Variants in TYW5 observed in about 807,000 individuals in gnomAD.
The protein encoded by TYW5 is tRNA-yW synthesizing protein 5, also known as tRNA wybutosine-synthesizing protein 5.
A neutral mutation model predicts 44.4 loss-of-function variants in TYW5; 36 were observed. The observed-to-expected ratio is 0.81, with a 90% CI of 0.62 to 1.07. The LOEUF is 1.07. Among genes scored for constraint, TYW5 ranks in the 50% least tolerant of loss-of-function variants. The pLI, the probability that TYW5 is intolerant of heterozygous loss-of-function variation, is 0.00. For synonymous variants in TYW5, 121 were observed against 128.1 expected (o/e 0.94, Z 0.37); for missense variants, 354 against 365.7 (o/e 0.97, Z 0.26).
At chr2:199,933,369 AAAAAAAAC>A (rs1241375162) in intron 7 of TYW5, 46 bp from the exon 8 acceptor site, 1 of 1,518,568 alleles carries the variant, frequency 6.6e-7, no homozygotes, top group East Asian at 2.3e-5. Context: ...CCTACAGTTA[AAAAAAAAC>A]CCAAAATGTC....
chr2:199,934,508 G>C (rs1335823469), intron 7 of TYW5, among the ~76,000 whole-genome samples: 1 of 148,196 alleles, frequency 6.7e-6, no homozygotes. Context: ...AGAATAAAAA[G>C]TCAACTTTTT....
chr2:199,950,130 T>C (rs1276923912), intron 1 of TYW5, among the ~76,000 whole-genome samples: 1 of 152,190 alleles, frequency 6.6e-6, no homozygotes, highest in Non-Finnish European at 1.5e-5. Flanking sequence ...CACAAATATA[T>C]ATACACGTAC....
At chr2:199,955,264 G>A in intron 1 of TYW5, 129 bp downstream of exon 1, 1 of 1,055,262 alleles carries the variant, frequency 9.5e-7, no homozygotes, top group South Asian at 1.5e-5. Flanking sequence ...GGGCCAACCA[G>A]TGATCTGCTG....
rs2077381773 is a variant in TYW5 at position 199,932,003 on chromosome 2, T to A, written c.*1064A>T. On this transcript the variant is annotated 3_prime_UTR_variant, in exon 8 of 8. Coordinates refer to ENST00000354611, the MANE Select transcript of TYW5 (RefSeq NM_001039693.3). ...ATAGTTGGGAAATCTTTAACTAGGCTAAGGTTTAGACATAGGTATAAATTA... is the reference window on the plus strand; with the variant it reads ...ATAGTTGGGAAATCTTTAACTAGGCAAAGGTTTAGACATAGGTATAAATTA... 7.4e-6 allele frequency: 1 copy of A among 135,474 alleles called. No homozygotes were observed. The highest frequency in any genetic ancestry group is 2.8e-5 in the African/African-American group (1 of 35,504). 8.4% of individuals were successfully genotyped at this position (135,474 alleles called of 1,614,324 possible). A position where few individuals can be genotyped will look rare whatever the true frequency, so the allele number is the denominator to read the frequency against.
intron 1 of TYW5, among the ~76,000 whole-genome samples, chr2:199,949,218 A>AT (rs1574808524): frequency 6.6e-6 from 1 of 151,886 alleles, no homozygotes; most frequent in East Asian, 1.9e-4. Context: ...AATAAGAAAA[A>AT]GAAAATTTGA....
chr2:199,948,350 C>A lies in TYW5; in HGVS notation c.201G>T (p.Gln67His). The stretch of plus-strand genomic sequence containing the variant: ...CAAAGTTCTTACTAATGAAGTCCAT[C>A]TGTGCAACTGCAGCAACATGAATCT... Reference protein sequence around the residue: ...EVKIHVAAVAQMDFISKNFVY... With the variant: ...EVKIHVAAVAHMDFISKNFVY... The change falls in exon 2 of 8, where the codon CAG (glutamine) becomes CAT (histidine). Residue 67 changes from glutamine to histidine, a missense_variant. Physicochemically the swap from Gln to His is conservative, Grantham distance 24 (BLOSUM62 0). Coordinates refer to ENST00000354611, the MANE Select transcript of TYW5 (RefSeq NM_001039693.3). The A allele has an allele frequency of 1.2e-6, 2 of 1,614,170 alleles. No individual in the cohort carries two copies. Among genetic ancestry groups the A allele is most frequent in the African/African-American group, 2.7e-5 (2 of 75,062 alleles).
rs774228008 is a variant in TYW5, at chr2:199,948,330, T to G, written c.221A>C (p.Asn74Thr). Reference protein sequence around the residue: ...AVAQMDFISKNFVYRTLPFDQ... With the variant: ...AVAQMDFISKTFVYRTLPFDQ... ...CAGAAGAAAATACCTATATACAAAG[T>G]TCTTACTAATGAAGTCCATCTGTGC... The change falls in exon 2 of 8, where the codon AAC (asparagine) becomes ACC (threonine). Residue 74 changes from asparagine (N) to threonine (T), a missense_variant. Transcript: ENST00000354611. 8 of 1,614,124 alleles carry G rather than the reference T, an allele frequency of 5.0e-6. No homozygotes were observed. The highest frequency in any genetic ancestry group is 6.8e-6 in the Non-Finnish European group (8 of 1,180,010).
chr2:199,951,890 A>G (rs574991164), intron 1 of TYW5, among the ~76,000 whole-genome samples: 8 of 151,796 alleles, frequency 5.3e-5, no homozygotes, highest in Non-Finnish European at 1.0e-4. Flanking sequence ...GGTGGCGGGC[A>G]CCTGTAGTCC....
Position 199,933,027 on chromosome 2 carries a change from C to A in TYW5, c.*40G>T. On this transcript the variant is annotated 3_prime_UTR_variant, in exon 8 of 8. Coordinates refer to ENST00000354611, the MANE Select transcript of TYW5 (RefSeq NM_001039693.3). ...AAATCTTTAATTTATATCGTTATAC[C>A]TTACTAAAGTGTTAATGTGCATTGC... 1 of 1,594,988 alleles carries A rather than the reference C, an allele frequency of 6.3e-7. No homozygotes were observed. The highest frequency in any genetic ancestry group is 8.5e-7 in the Non-Finnish European group (1 of 1,171,428).
In TYW5 at chr2:199,933,165, T is replaced by G. The variant is rs978246781; in HGVS notation, c.850A>C (p.Lys284Gln). The change falls in exon 8 of 8, where the codon AAA (lysine) becomes CAA (glutamine). Residue 284 changes from lysine (K) to glutamine (Q), a missense_variant. Physicochemically the swap from Lys to Gln is moderately conservative, Grantham distance 53 (BLOSUM62 1). Transcript: ENST00000354611. ...RAAQILDRAL[K>Q]TLAELPEEYR... ...TCCTCTGGTAACTCGGCCAGTGTTTTCAAGGCTCTGTCCAGAATTTGTGCA... is the reference window on the plus strand; with the variant it reads ...TCCTCTGGTAACTCGGCCAGTGTTTGCAAGGCTCTGTCCAGAATTTGTGCA... 1.9e-6 allele frequency: 3 copies of G among 1,614,180 alleles called. No individual in the cohort carries two copies. Among genetic ancestry groups the G allele is most frequent in the Non-Finnish European group, 2.5e-6 (3 of 1,180,020 alleles).
intron 3 of TYW5, among the ~76,000 whole-genome samples, chr2:199,941,572 T>C (rs888803361): frequency 6.6e-6 from 1 of 152,226 alleles, no homozygotes; most frequent in Non-Finnish European, 1.5e-5. Context: ...AGTGCTTTTC[T>C]ATTTTTAGCT....
At chr2:199,934,802 G>A (rs2077406425) in intron 7 of TYW5, among the ~76,000 whole-genome samples, 1 of 151,894 alleles carries the variant, frequency 6.6e-6, no homozygotes, top group South Asian at 2.1e-4. Context: ...TCACTTTTAA[G>A]TATTAATTAC....
Position 199,929,970 on chromosome 2 carries a change from A to ATT in TYW5, c.*3095_*3096dup, listed in dbSNP as rs35165461. The ATT allele has an allele frequency of 8.2e-3, 737 of 89,784 alleles. 13 individuals carry two copies. Among genetic ancestry groups the ATT allele is most frequent in the African/African-American group, 0.026 (586 of 22,390 alleles). 5.6% of individuals were successfully genotyped at this position (89,784 alleles called of 1,614,324 possible). On this transcript the variant is annotated 3_prime_UTR_variant, in exon 8 of 8. Transcript: ENST00000354611. ...ACCACTCCCCAGCTCTGCATATAATATTTTTTTTTTTTTTTTTTTTTTTGA... is the reference window on the plus strand; with the variant it reads ...ACCACTCCCCAGCTCTGCATATAATATTTTTTTTTTTTTTTTTTTTTTTTTGA...
Position 199,929,120 on chromosome 2 carries a change from G to A in TYW5, c.*3947C>T, listed in dbSNP as rs2077350639. ...TTTAAGCCAGTTAGTGGTAGAGACA[G>A]GCAAGAGTCACCAAAAAAGGTCATT... On this transcript the variant is annotated 3_prime_UTR_variant, in exon 8 of 8. Transcript: ENST00000354611. 6.6e-6 allele frequency among the ~76,000 whole-genome samples: 1 copy of A among 152,088 alleles called. No homozygotes were observed. The highest frequency in any genetic ancestry group is 2.1e-4 in the South Asian group (1 of 4,824).
intron 1 of TYW5, among the ~76,000 whole-genome samples, chr2:199,952,864 C>A (rs575899055): frequency 5.9e-5 from 9 of 152,262 alleles, no homozygotes; most frequent in African/African-American, 2.2e-4. Flanking sequence ...GGAGTTTATT[C>A]TTGTGTACAG....
intron 3 of TYW5, among the ~76,000 whole-genome samples, chr2:199,941,129 G>A (rs546179631): frequency 2.0e-5 from 3 of 152,228 alleles, no homozygotes; most frequent in South Asian, 4.1e-4. Flanking sequence ...ATGCGATCAC[G>A]CCCACTGCAG....
chr2:199,951,470 TTATTA>T (rs2077544320), intron 1 of TYW5, among the ~76,000 whole-genome samples: 1 of 152,218 alleles, frequency 6.6e-6, no homozygotes, highest in Non-Finnish European at 1.5e-5. Context: ...GTTGATTTTA[TTATTA>T]TGACTTTAGA....
At chr2:199,949,717 G>A (rs185837889) in intron 1 of TYW5, among the ~76,000 whole-genome samples, 182 of 152,306 alleles carry the variant, frequency 1.2e-3, no homozygotes, top group Non-Finnish European at 7.9e-4. Context: ...CGCCTTCTCA[G>A]CATGCCACAT....
chr2:199,931,426 A>G lies in TYW5; in HGVS notation c.*1641T>C, dbSNP rs182049996. The G allele has an allele frequency of 1.3e-5, 2 of 152,168 alleles. No homozygotes were observed. Among genetic ancestry groups the G allele is most frequent in the East Asian group, 3.9e-4 (2 of 5,186 alleles). 9.4% of individuals were successfully genotyped at this position (152,168 alleles called of 1,614,324 possible). ...TGTATCAATTCTCTTGCTGGTTAAG[A>G]AAAAAAACAAGATTTATTAAAAACT... On this transcript the variant is annotated 3_prime_UTR_variant, in exon 8 of 8. Coordinates refer to ENST00000354611, the MANE Select transcript of TYW5 (RefSeq NM_001039693.3).
Sources: allele counts gnomAD v4.1 joint callset (sites outside exome capture counted in the v4.1 genomes callset), GRCh38; gene constraint gnomAD v4.1.1; transcripts MANE v1.5; gene names NCBI Gene and HGNC (gene_info 2026-07-23, HGNC 2026-07-21).